PLCL1: variants seen among roughly 807,000 people sequenced by gnomAD.
PLCL1 encodes the protein inactive phospholipase C-like protein 1.
PLCL1 carries 41 observed loss-of-function variants against 84.4 expected under a neutral mutation model. The observed-to-expected ratio is 0.49, with a 90% CI of 0.38 to 0.63. The LOEUF (loss-of-function observed/expected upper bound fraction) is 0.63. Ranked by LOEUF, PLCL1 falls within the 30% of genes least tolerant of loss-of-function variation. The pLI, the probability that PLCL1 is intolerant of heterozygous loss-of-function variation, is 0.00. For missense variants in PLCL1, 1,206 were observed against 1,367.8 expected (o/e 0.88, Z 1.87); for synonymous variants, 490 against 488.3 (o/e 1.00, Z -0.05).
intron 1 of PLCL1, among the ~76,000 whole-genome samples, chr2:197,962,678 C>G (rs139994874): frequency 1.3e-5 from 2 of 152,088 alleles, no homozygotes; most frequent in African/African-American, 4.8e-5. Context: ...CTATCAAATA[C>G]TAAGCCTTAT....
chr2:198,127,011 T>TGTGTG (rs762931586), intron 5 of PLCL1, among the ~76,000 whole-genome samples: 1 of 56,780 alleles, frequency 1.8e-5, no homozygotes, highest in African/African-American at 5.5e-5. Context: ...TGTGTGTGTG[T>TGTGTG]GGGGGGTGGT....
At chr2:198,137,670 C>T (rs1694287172) in intron 5 of PLCL1, among the ~76,000 whole-genome samples, 1 of 152,164 alleles carries the variant, frequency 6.6e-6, no homozygotes, top group Admixed American at 6.5e-5. Context: ...AAGATGCCTG[C>T]TCATCTTGCA....
intron 1 of PLCL1, among the ~76,000 whole-genome samples, chr2:197,905,482 T>C (rs1688362139): frequency 6.6e-6 from 1 of 152,262 alleles, no homozygotes; most frequent in Non-Finnish European, 1.5e-5. Flanking sequence ...ACATTTTCTT[T>C]ATCTAGTCTA....
intron 1 of PLCL1, among the ~76,000 whole-genome samples, chr2:197,879,898 C>A (rs994691357): frequency 6.6e-6 from 1 of 152,062 alleles, no homozygotes; most frequent in African/African-American, 2.4e-5. Flanking sequence ...TTAGTAATAT[C>A]ATGAATGTGA....
Position 197,886,411 on chromosome 2 carries a change from C to CAAAAAAAAAAAAAAAAAAAA in PLCL1, c.240+81094_240+81113dup, listed in dbSNP as rs61183744. 1.2e-4 allele frequency among the ~76,000 whole-genome samples: 9 copies of CAAAAAAAAAAAAAAAAAAAA among 77,112 alleles called. 1 individual carries two copies. The highest frequency in any genetic ancestry group is 1.6e-4 in the Admixed American group (1 of 6,340). The allele number at this position is 77,112 out of a possible 152,430, so 50.6% of individuals were successfully genotyped here. A position where few individuals can be genotyped will look rare whatever the true frequency, so the allele number is the denominator to read the frequency against. The stretch of plus-strand genomic sequence containing the variant: ...TGGGCAACAGAATGAGACTCTGTCT[C>CAAAAAAAAAAAAAAAAAAAA]AAAAAAAAAAAAAAAAAAAAAAAAA... On this transcript the variant is annotated intron_variant, in intron 1 of 5. Coordinates refer to ENST00000428675, the MANE Select transcript of PLCL1 (RefSeq NM_006226.4).
intron 1 of PLCL1, among the ~76,000 whole-genome samples, chr2:197,953,405 C>T (rs1689425345): frequency 6.6e-6 from 1 of 151,988 alleles, no homozygotes; most frequent in Admixed American, 6.6e-5. Flanking sequence ...CTGGAAGCCC[C>T]CCATGGATCA....
At chr2:198,110,502 A>G (rs1157805398) in intron 5 of PLCL1, among the ~76,000 whole-genome samples, 2 of 151,912 alleles carry the variant, frequency 1.3e-5, no homozygotes, top group Non-Finnish European at 2.9e-5. Flanking sequence ...ATACGCTTTC[A>G]ATTAGAGCCT....
chr2:198,035,066 A>G (rs1258222797), intron 1 of PLCL1, among the ~76,000 whole-genome samples: 1 of 152,164 alleles, frequency 6.6e-6, no homozygotes, highest in African/African-American at 2.4e-5. Flanking sequence ...CTGCACTGTA[A>G]AATTACTCTT....
chr2:198,035,793 G>C (rs536843745), intron 1 of PLCL1, among the ~76,000 whole-genome samples: 77 of 152,362 alleles, frequency 5.1e-4, no homozygotes, highest in African/African-American at 1.8e-3. Context: ...CCAGCACTTT[G>C]GGAGGCCAAG....
At chr2:197,935,657 G>A (rs115870036) in intron 1 of PLCL1, among the ~76,000 whole-genome samples, 1,610 of 152,148 alleles carry the variant, frequency 0.011, 20 homozygotes, top group African/African-American at 0.037. Context: ...ACTACCTATC[G>A]GGTACCATGC....
At chr2:197,937,429 T>C (rs997612935) in intron 1 of PLCL1, among the ~76,000 whole-genome samples, 3 of 152,206 alleles carry the variant, frequency 2.0e-5, no homozygotes, top group African/African-American at 7.2e-5. Context: ...TTCCATTTAT[T>C]TATGTCTTCT....
At chr2:197,888,214 T>C (rs1344117930) in intron 1 of PLCL1, among the ~76,000 whole-genome samples, 1 of 152,236 alleles carries the variant, frequency 6.6e-6, no homozygotes, top group Non-Finnish European at 1.5e-5. Context: ...TCTGGTTGTA[T>C]TTCTCACCTA....
intron 1 of PLCL1, among the ~76,000 whole-genome samples, chr2:197,931,699 C>CCCAA (rs376152574): frequency 0.44 from 56,042 of 126,126 alleles, 12,691 homozygotes; most frequent in Middle Eastern, 0.55. Flanking sequence ...CACCCACCCA[C>CCCAA]CCAACCATCC....
chr2:198,037,691 C>T (rs780923497), intron 1 of PLCL1, among the ~76,000 whole-genome samples: 4 of 152,100 alleles, frequency 2.6e-5, no homozygotes, highest in East Asian at 1.9e-4. Flanking sequence ...TTTTCCAAAA[C>T]GGTTTTATTC....
intron 1 of PLCL1, among the ~76,000 whole-genome samples, chr2:198,017,850 A>G (rs918462704): frequency 1.3e-5 from 2 of 152,210 alleles, no homozygotes; most frequent in Admixed American, 6.5e-5. Context: ...TTAAGTATAT[A>G]TTATATACTG....
chr2:197,938,732 G>A (rs1689096247), intron 1 of PLCL1, among the ~76,000 whole-genome samples: 1 of 152,142 alleles, frequency 6.6e-6, no homozygotes, highest in Admixed American at 6.6e-5. Flanking sequence ...TTAGTGGCAG[G>A]GCTGATTGGA....
intron 1 of PLCL1, among the ~76,000 whole-genome samples, chr2:197,966,744 C>CT (rs1179812996): frequency 2.0e-5 from 3 of 151,144 alleles, no homozygotes; most frequent in Non-Finnish European, 2.9e-5. Context: ...TATGATGGTG[C>CT]TTTTTTTTCT....
chr2:198,028,461 A>G (rs936930153), intron 1 of PLCL1, among the ~76,000 whole-genome samples: 3 of 152,224 alleles, frequency 2.0e-5, no homozygotes, highest in African/African-American at 7.2e-5. Context: ...AGTCCCTGCA[A>G]TCAGAACCCT....
intron 1 of PLCL1, among the ~76,000 whole-genome samples, chr2:197,817,587 C>T (rs1164913010): frequency 6.6e-6 from 1 of 152,054 alleles, no homozygotes; most frequent in South Asian, 2.1e-4. Flanking sequence ...GTTTAGGTAA[C>T]CTTTTGATCC....
Sources: gnomAD v4.1 joint callset for allele counts (sites outside exome capture counted in the v4.1 genomes callset) on GRCh38, gnomAD v4.1.1 for gene constraint, MANE v1.5 for transcripts, NCBI Gene and HGNC (gene_info 2026-07-23, HGNC 2026-07-21) for gene names.